Variants in AIM2 observed in about 807,000 individuals in gnomAD.
AIM2 encodes the protein interferon-inducible protein AIM2.
Under a neutral mutation model 27.7 loss-of-function variants are expected in AIM2, and 30 were observed. The observed-to-expected ratio is 1.08, with a 90% confidence interval of 0.81 to 1.47. AIM2 has a LOEUF of 1.47. Among genes scored for constraint, AIM2 ranks in the 40% most tolerant of loss-of-function variants. The pLI is 0.00. For synonymous variants in AIM2, 141 were observed against 145.3 expected (o/e 0.97, Z 0.21); for missense variants, 358 against 411.3 (o/e 0.87, Z 1.12).
intron 1 of AIM2, among the ~76,000 whole-genome samples, chr1:159,135,779 C>T (rs1351456909): frequency 6.6e-6 from 1 of 152,142 alleles, no homozygotes; most frequent in Non-Finnish European, 1.5e-5. Context: ...GAAGATGCTC[C>T]CTTCAGATTC....
chr1:159,064,057 G>C (rs537564734), intron 4 of AIM2, among the ~76,000 whole-genome samples: 2 of 152,132 alleles, frequency 1.3e-5, no homozygotes, highest in Non-Finnish European at 2.9e-5. Flanking sequence ...TGTGTTAAGT[G>C]ACTGCTTATG....
intron 1 of AIM2, among the ~76,000 whole-genome samples, chr1:159,105,765 T>C (rs1435478878): frequency 6.6e-6 from 1 of 152,088 alleles, no homozygotes; most frequent in Non-Finnish European, 1.5e-5. Flanking sequence ...GCTGAATCTG[T>C]GGTTTTTATG....
At chr1:159,137,965 G>A (rs1206624656) in intron 1 of AIM2, among the ~76,000 whole-genome samples, 1 of 152,068 alleles carries the variant, frequency 6.6e-6, no homozygotes, top group Non-Finnish European at 1.5e-5. Flanking sequence ...CTTCATATAG[G>A]TGCAAGGGTG....
intron 1 of AIM2, among the ~76,000 whole-genome samples, chr1:159,136,582 A>T (rs931381020): frequency 6.6e-6 from 1 of 152,182 alleles, no homozygotes; most frequent in East Asian, 1.9e-4. Context: ...TCATTCTCTC[A>T]AAAGAATCAT....
chr1:159,081,899 T>A (rs1656786612), intron 1 of AIM2: 1 of 152,268 alleles, frequency 6.6e-6, no homozygotes, highest in Non-Finnish European at 1.5e-5. Flanking sequence ...ACTCTTAATT[T>A]TTGTTTTCAA....
At chr1:159,061,015 T>C (rs537370067), downstream of AIM2, among the ~76,000 whole-genome samples, 26 of 152,234 alleles carry the variant, frequency 1.7e-4, 2 homozygotes, top group South Asian at 5.4e-3. Context: ...TAAGTAAGAG[T>C]TTCAATTGCT....
At chr1:159,075,603 T>TAG (rs1318792720) in intron 1 of AIM2, among the ~76,000 whole-genome samples, 4 of 149,426 alleles carry the variant, frequency 2.7e-5, no homozygotes, top group African/African-American at 1.0e-4. Context: ...CTGCTATATA[T>TAG]ATATATATAG....
intron 1 of AIM2, among the ~76,000 whole-genome samples, chr1:159,099,926 C>A (rs1396346928): frequency 6.6e-6 from 1 of 152,166 alleles, no homozygotes; most frequent in Non-Finnish European, 1.5e-5. Context: ...AAAATGAGAG[C>A]AAAATGTCAT....
At chr1:159,068,255 A>G (rs1326129634) in intron 3 of AIM2, among the ~76,000 whole-genome samples, 4 of 152,190 alleles carry the variant, frequency 2.6e-5, no homozygotes, top group African/African-American at 9.7e-5. Context: ...CCTCACAGAT[A>G]TTAATTCTGA....
intron 1 of AIM2, among the ~76,000 whole-genome samples, chr1:159,094,164 A>G (rs1436539990): frequency 6.6e-6 from 1 of 152,258 alleles, no homozygotes; most frequent in Non-Finnish European, 1.5e-5. Flanking sequence ...GAAAGTGGCT[A>G]GAACCAGAGG....
intron 1 of AIM2, among the ~76,000 whole-genome samples, chr1:159,119,813 GGTGT>G (rs969157053): frequency 6.6e-6 from 1 of 151,160 alleles, no homozygotes; most frequent in Admixed American, 6.6e-5. Context: ...TGTGTGTGTG[GGTGT>G]GTGTGCCACT....
intron 1 of AIM2, among the ~76,000 whole-genome samples, chr1:159,121,580 A>G (rs530407630): frequency 6.6e-6 from 1 of 152,236 alleles, no homozygotes; most frequent in African/African-American, 2.4e-5. Context: ...CTATCCAAGT[A>G]TCTATACCTA....
chr1:159,139,949 C>T (rs568448092), intron 1 of AIM2, among the ~76,000 whole-genome samples: 28 of 152,274 alleles, frequency 1.8e-4, no homozygotes, highest in African/African-American at 6.7e-4. Context: ...CCTCCATTAC[C>T]ATGCTATGAT....
At chr1:159,130,157 T>C (rs1647829011) in intron 1 of AIM2, among the ~76,000 whole-genome samples, 1 of 152,236 alleles carries the variant, frequency 6.6e-6, no homozygotes, top group African/African-American at 2.4e-5. Flanking sequence ...TCTTCCTGCC[T>C]ATCTGGCCAG....
At chr1:159,102,096 C>T (rs1657325050) in intron 1 of AIM2, among the ~76,000 whole-genome samples, 1 of 152,158 alleles carries the variant, frequency 6.6e-6, no homozygotes, top group Non-Finnish European at 1.5e-5. Flanking sequence ...GGACCAGGTG[C>T]CCCCTGCTCT....
intron 1 of AIM2, among the ~76,000 whole-genome samples, chr1:159,115,901 C>G (rs571703648): frequency 0.059 from 8,895 of 152,022 alleles, 835 homozygotes; most frequent in African/African-American, 0.2. Context: ...AGGCAACCTA[C>G]AGAATGGGAG....
chr1:159,073,082 G>C (rs551419564), intron 2 of AIM2, among the ~76,000 whole-genome samples, 156 bp downstream of exon 2: 1 of 152,202 alleles, frequency 6.6e-6, no homozygotes, highest in Non-Finnish European at 1.5e-5. Flanking sequence ...TCCTAGAAGC[G>C]ATTCTCAGTA....
intron 1 of AIM2, among the ~76,000 whole-genome samples, chr1:159,117,531 A>G (rs1384554721): frequency 6.6e-6 from 1 of 152,204 alleles, no homozygotes; most frequent in Admixed American, 6.5e-5. Context: ...CTCTGAGTCA[A>G]GTAAAGTGTA....
In AIM2 at chr1:159,073,196, G is replaced by C. The variant is rs770286294; in HGVS notation, c.262+42C>G. On this transcript the variant is annotated intron_variant, in intron 2 of 5. Transcript: ENST00000368130. ...GCCATGAAAGGAAAGGCCCAGGCTT[G>C]GCAGAAAAAGGGACGGGGCAGGTGT... The C allele has an allele frequency of 3.1e-6, 5 of 1,609,128 alleles. No individual in the cohort carries two copies. In the African/African-American group the frequency reaches 6.7e-5, roughly 22 times the overall value.
Sources: allele counts gnomAD v4.1 joint callset (sites outside exome capture counted in the v4.1 genomes callset), GRCh38; gene constraint gnomAD v4.1.1; transcripts MANE v1.5; gene names NCBI Gene and HGNC (gene_info 2026-07-23, HGNC 2026-07-21).